SAMD4A: variants seen among roughly 807,000 people sequenced by gnomAD.
The protein encoded by SAMD4A is protein Smaug homolog 1.
A neutral mutation model predicts 81.3 loss-of-function variants in SAMD4A; 33 were observed. The ratio of observed to expected loss-of-function variants is 0.41; its 90% CI spans 0.31 to 0.54. The LOEUF (loss-of-function observed/expected upper bound fraction) is 0.54. SAMD4A is among the 20% of genes least tolerant of loss of function. The probability of loss-of-function intolerance (pLI) is 0.37; values close to 1 mark genes in which losing one functional copy is unlikely to be tolerated. For missense variants in SAMD4A, 854 were observed against 951.1 expected (o/e 0.90, Z 1.34); for synonymous variants, 389 against 382.1 (o/e 1.02, Z -0.21).
At chr14:54,604,134 T>TGG (rs760379502) in intron 2 of SAMD4A, among the ~76,000 whole-genome samples, 15 of 152,178 alleles carry the variant, frequency 9.9e-5, no homozygotes, top group Non-Finnish European at 2.1e-4. Flanking sequence ...CATTATTTTA[T>TGG]TGTATCCTTA....
At chr14:54,725,179 A>AT (rs1444449320) in intron 3 of SAMD4A, among the ~76,000 whole-genome samples, 2 of 152,242 alleles carry the variant, frequency 1.3e-5, no homozygotes, top group Non-Finnish European at 2.9e-5. Context: ...TCTTAAAATA[A>AT]TGGAGGTACT....
Position 54,567,562 on chromosome 14 carries a change from C to T in SAMD4A, c.-355C>T, listed in dbSNP as rs2032977076. ...TTGCCGCCCAGCGGGGAGGAGACCCCAGGACGCCGGAAATCACCATCCCAA... is the reference window on the plus strand; with the variant it reads ...TTGCCGCCCAGCGGGGAGGAGACCCTAGGACGCCGGAAATCACCATCCCAA... On this transcript the variant is annotated 5_prime_UTR_variant, in exon 2 of 13. Coordinates refer to ENST00000554335, the MANE Select transcript of SAMD4A (RefSeq NM_015589.6). The T allele has an allele frequency of 3.6e-6, 1 of 274,906 alleles. No homozygotes were observed. 17.0% of individuals were successfully genotyped at this position (274,906 alleles called of 1,614,324 possible). A position where few individuals can be genotyped will look rare whatever the true frequency, so the allele number is the denominator to read the frequency against.
chr14:54,577,448 A>C (rs2033334266), intron 2 of SAMD4A, among the ~76,000 whole-genome samples: 1 of 152,230 alleles, frequency 6.6e-6, no homozygotes, highest in African/African-American at 2.4e-5. Flanking sequence ...TTGATGACAG[A>C]ATCATGATCA....
upstream of SAMD4A, among the ~76,000 whole-genome samples, chr14:54,566,018 T>C (rs2032919478): frequency 6.6e-6 from 1 of 151,282 alleles, no homozygotes; most frequent in African/African-American, 2.4e-5. Context: ...CCCGGGTTCC[T>C]CTCCCCCCGC....
At position 54,579,047 on chromosome 14, in the gene SAMD4A, A is replaced by G. The variant is rs115073381; in HGVS notation, c.196+10935A>G. Among the ~76,000 whole-genome samples the G allele has an allele frequency of 6.2e-3, 937 of 152,338 alleles. 17 individuals are homozygous for G. The highest frequency in any genetic ancestry group is 0.022 in the African/African-American group (903 of 41,580). ...CATATCTTTTTTCTTCTCTCCGTGT[A>G]GTTCTAAAAATGACCATATGATATT... On this transcript the variant is annotated intron_variant, in intron 2 of 12. Transcript: ENST00000554335.
intron 2 of SAMD4A, among the ~76,000 whole-genome samples, chr14:54,611,299 C>T (rs1480377359): frequency 6.6e-6 from 1 of 152,202 alleles, no homozygotes; most frequent in Non-Finnish European, 1.5e-5. Context: ...CTTTCCCCCA[C>T]CAGTGGCCTT....
chr14:54,707,954 C>G (rs559237024), intron 3 of SAMD4A, among the ~76,000 whole-genome samples: 9 of 152,186 alleles, frequency 5.9e-5, no homozygotes, highest in Non-Finnish European at 1.3e-4. Flanking sequence ...ATTGCAAGGA[C>G]TTGGACTTTT....
intron 6 of SAMD4A, chr14:54,754,713 T>C (rs1339480659): frequency 2.5e-6 from 1 of 399,796 alleles, no homozygotes; most frequent in Non-Finnish European, 3.4e-6. Context: ...CATCTGCCCT[T>C]GCCTGCCTCC....
intron 3 of SAMD4A, among the ~76,000 whole-genome samples, chr14:54,713,115 CT>C (rs1448633878): frequency 2.6e-5 from 4 of 151,452 alleles, no homozygotes; most frequent in Non-Finnish European, 4.4e-5. Flanking sequence ...ATTTTTTTTT[CT>C]TTTAAGATTT....
intron 2 of SAMD4A, among the ~76,000 whole-genome samples, chr14:54,616,476 G>A (rs903575410): frequency 6.6e-6 from 1 of 152,178 alleles, no homozygotes; most frequent in Non-Finnish European, 1.5e-5. Context: ...AGCTGTGTGT[G>A]TCTTGATGGT....
intron 11 of SAMD4A, 30 bp downstream of exon 11, chr14:54,776,570 C>A: frequency 6.6e-7 from 1 of 1,506,564 alleles, no homozygotes; most frequent in Admixed American, 2.3e-5. Flanking sequence ...GTCCCCTTGA[C>A]ACAGAGGGGA....
At chr14:54,737,951 C>T (rs2037742595) in intron 4 of SAMD4A, among the ~76,000 whole-genome samples, 2 of 44,860 alleles carry the variant, frequency 4.5e-5, no homozygotes, top group South Asian at 8.1e-4. Context: ...TGTGAATCTA[C>T]CCTCTTCTAA....
Position 54,593,067 on chromosome 14 carries a change from A to T in SAMD4A, c.196+24955A>T, listed in dbSNP as rs1594706080. The stretch of plus-strand genomic sequence containing the variant: ...ATAGAATGATATAATAAACCCCTAA[A>T]TACCCAACATTCAGCTTCAGTAATT... On this transcript the variant is annotated intron_variant, in intron 2 of 12. Transcript: ENST00000554335. Among the ~76,000 whole-genome samples, 2 of 152,336 alleles carry T rather than the reference A, an allele frequency of 1.3e-5. 1 individual carries two copies. The highest frequency in any genetic ancestry group is 2.9e-5 in the Non-Finnish European group (2 of 68,024).
At chr14:54,588,248 A>G (rs1194762558) in intron 2 of SAMD4A, among the ~76,000 whole-genome samples, 2 of 151,958 alleles carry the variant, frequency 1.3e-5, no homozygotes, top group Non-Finnish European at 2.9e-5. Context: ...TTCATTTCTA[A>G]TTGAGCTTAT....
At chr14:54,667,999 C>T (rs1028500822) in intron 2 of SAMD4A, among the ~76,000 whole-genome samples, 6 of 152,288 alleles carry the variant, frequency 3.9e-5, no homozygotes, top group Middle Eastern at 3.4e-3. Context: ...CTCTCCACCC[C>T]GGCCCTCCCG....
intron 3 of SAMD4A, among the ~76,000 whole-genome samples, chr14:54,736,230 CTGCGCAGA>C (rs764649293): frequency 3.9e-5 from 6 of 152,206 alleles, no homozygotes; most frequent in African/African-American, 9.7e-5. Flanking sequence ...AAGATGGGGG[CTGCGCAGA>C]TGTTGCCCAC....
At chr14:54,777,383 G>A (rs776840140) in intron 11 of SAMD4A, among the ~76,000 whole-genome samples, 15 of 152,224 alleles carry the variant, frequency 9.9e-5, no homozygotes, top group Non-Finnish European at 2.2e-4. Context: ...GAGCTTCAGG[G>A]CACAGCAGAG....
At chr14:54,707,080 A>G (rs1201040475) in intron 3 of SAMD4A, among the ~76,000 whole-genome samples, 1 of 149,882 alleles carries the variant, frequency 6.7e-6, no homozygotes, top group African/African-American at 2.5e-5. Flanking sequence ...TAGGATTGGG[A>G]TTCAGTATTG....
intron 2 of SAMD4A, among the ~76,000 whole-genome samples, chr14:54,578,119 A>G (rs73269515): frequency 0.015 from 2,331 of 152,298 alleles, 63 homozygotes; most frequent in African/African-American, 0.054. Context: ...CTTCTCAATA[A>G]CCCTATGAGA....
Sources: gnomAD v4.1 joint callset for allele counts (sites outside exome capture counted in the v4.1 genomes callset) on GRCh38, gnomAD v4.1.1 for gene constraint, MANE v1.5 for transcripts, NCBI Gene and HGNC (gene_info 2026-07-23, HGNC 2026-07-21) for gene names.